The following STK3 variants were observed in gnomAD, a reference collection of about 807,000 sequenced individuals.
The protein encoded by STK3 is serine/threonine kinase 3.
Under a neutral mutation model 58.0 loss-of-function variants are expected in STK3, and 41 were observed. The observed-to-expected ratio is 0.71, with a 90% CI of 0.55 to 0.92. The LOEUF is 0.92. STK3 is among the 40% of genes least tolerant of loss of function. The probability of loss-of-function intolerance (pLI) is 0.00; values close to 1 mark genes in which losing one functional copy is unlikely to be tolerated. For missense variants in STK3, 479 were observed against 602.7 expected (o/e 0.79, Z 2.15); for synonymous variants, 170 against 191.0 (o/e 0.89, Z 0.91).
intron 3 of STK3, chr8:98,413,813 C>T: frequency 1.7e-6 from 1 of 604,798 alleles, no homozygotes; most frequent in Non-Finnish European, 3.2e-6. Context: ...CCTCAGGGTT[C>T]ACCCACAAAC....
At chr8:98,873,873 G>A (rs1244272203) in intron 3 of STK3, among the ~76,000 whole-genome samples, 1 of 152,154 alleles carries the variant, frequency 6.6e-6, no homozygotes, top group Non-Finnish European at 1.5e-5. Flanking sequence ...GTGTGAATTT[G>A]ATCCTGTCAT....
intron 3 of STK3, among the ~76,000 whole-genome samples, chr8:98,395,652 CT>C (rs1563591732): frequency 1.3e-5 from 2 of 152,136 alleles, no homozygotes; most frequent in Non-Finnish European, 2.9e-5. Context: ...GAACAGATAA[CT>C]TTTTTGTTGT....
intron 10 of STK3, among the ~76,000 whole-genome samples, chr8:98,464,050 C>G (rs1259233628): frequency 6.6e-6 from 1 of 152,100 alleles, no homozygotes; most frequent in African/African-American, 2.4e-5. Context: ...TTAAATAAAT[C>G]TTGCAGATGC....
chr8:98,420,758 G>T (rs1454996420), intron 3 of STK3, among the ~76,000 whole-genome samples: 1 of 152,238 alleles, frequency 6.6e-6, no homozygotes, highest in Non-Finnish European at 1.5e-5. Flanking sequence ...CAAGAGGCAA[G>T]CAGAGAGCTT....
intron 7 of STK3, among the ~76,000 whole-genome samples, chr8:98,588,716 C>G (rs1450179068): frequency 2.6e-5 from 4 of 151,020 alleles, no homozygotes; most frequent in African/African-American, 9.7e-5. Flanking sequence ...TCCATTCTCC[C>G]CATCACTTTC....
chr8:98,786,035 C>T (rs970356830), intron 1 of STK3, among the ~76,000 whole-genome samples: 2 of 152,110 alleles, frequency 1.3e-5, no homozygotes, highest in South Asian at 4.2e-4. Flanking sequence ...CAAGGACACT[C>T]AGAAATGACA....
chr8:98,876,423 A>T (rs1487467947), intron 3 of STK3, among the ~76,000 whole-genome samples: 1 of 152,202 alleles, frequency 6.6e-6, no homozygotes, highest in African/African-American at 2.4e-5. Flanking sequence ...TATTCAGGAG[A>T]AATGTCCCTA....
At chr8:98,374,978 A>G (rs1236880734) in intron 2 of STK3, among the ~76,000 whole-genome samples, 2 of 152,044 alleles carry the variant, frequency 1.3e-5, no homozygotes, top group African/African-American at 4.8e-5. Flanking sequence ...GATGGCTCAC[A>G]CCTGTAATCC....
intron 4 of STK3, among the ~76,000 whole-genome samples, chr8:98,710,282 C>T (rs1023692873): frequency 4.6e-5 from 7 of 152,068 alleles, no homozygotes; most frequent in Non-Finnish European, 7.4e-5. Flanking sequence ...TGGGGAGTAT[C>T]GGAAAGTGGG....
At chr8:98,356,560 A>AG in the STK3 span, among the ~76,000 whole-genome samples, 8 of 151,804 alleles carry the variant, frequency 5.3e-5, no homozygotes, top group African/African-American at 1.5e-4. Context: ...GCCGAAAGCC[A>AG]GGGGGGCTCC....
At chr8:98,896,748 G>A (rs763308653) in intron 1 of STK3, among the ~76,000 whole-genome samples, 5 of 152,144 alleles carry the variant, frequency 3.3e-5, no homozygotes, top group Non-Finnish European at 7.3e-5. Flanking sequence ...GGAGGCAGAG[G>A]CTGGTGGATC....
At chr8:98,493,080 T>A (rs1563661831) in intron 10 of STK3, among the ~76,000 whole-genome samples, 4 of 150,606 alleles carry the variant, frequency 2.7e-5, no homozygotes, top group South Asian at 2.1e-4. Context: ...TTTTTTTTTT[T>A]AATTTGCCAG....
At chr8:98,802,560 A>G (rs990351324) in intron 1 of STK3, among the ~76,000 whole-genome samples, 32 of 152,302 alleles carry the variant, frequency 2.1e-4, no homozygotes, top group Admixed American at 3.3e-4. Flanking sequence ...TTGCTAAACT[A>G]TGTTTAAAGT....
intron 6 of STK3, among the ~76,000 whole-genome samples, chr8:98,697,417 T>C (rs993975892): frequency 3.3e-5 from 5 of 152,352 alleles, no homozygotes; most frequent in South Asian, 4.2e-4. Flanking sequence ...ATGTGTTTGC[T>C]CTTGCTTTTC....
intron 3 of STK3, among the ~76,000 whole-genome samples, chr8:98,763,409 G>C (rs1198884193): frequency 6.6e-6 from 1 of 152,028 alleles, no homozygotes; most frequent in Non-Finnish European, 1.5e-5. Context: ...CACCACCTCT[G>C]GTCCTTTTAT....
intron 2 of STK3, among the ~76,000 whole-genome samples, chr8:98,377,849 G>A (rs1817690406): frequency 6.6e-6 from 1 of 152,186 alleles, no homozygotes; most frequent in Non-Finnish European, 1.5e-5. Context: ...TTTGCAGAAT[G>A]TGGATACTGC....
intron 1 of STK3, among the ~76,000 whole-genome samples, chr8:98,886,315 G>C (rs1303093025): frequency 6.6e-6 from 1 of 152,202 alleles, no homozygotes; most frequent in Non-Finnish European, 1.5e-5. Context: ...GGTGGAATCT[G>C]GGTGAAGTAT....
intron 3 of STK3, among the ~76,000 whole-genome samples, chr8:98,845,320 C>A (rs1836161801): frequency 2.0e-5 from 3 of 152,170 alleles, no homozygotes; most frequent in Admixed American, 2.0e-4. Flanking sequence ...TCTACCACAA[C>A]TTCCTCATTC....
chr8:98,591,586 A>C (rs1815320539), intron 7 of STK3, among the ~76,000 whole-genome samples: 1 of 152,218 alleles, frequency 6.6e-6, no homozygotes, highest in South Asian at 2.1e-4. Flanking sequence ...TAACTTTATT[A>C]GCCAGTTCCT....
Sources: allele counts gnomAD v4.1 joint callset (sites outside exome capture counted in the v4.1 genomes callset), GRCh38; gene constraint gnomAD v4.1.1; transcripts MANE v1.5; gene names NCBI Gene and HGNC (gene_info 2026-07-23, HGNC 2026-07-21).